The following AFF2 variants were observed in gnomAD, a reference collection of about 807,000 sequenced individuals.
AFF2 encodes the protein ALF transcription elongation factor 2.
Under a neutral mutation model 76.9 loss-of-function variants are expected in AFF2, and 14 were observed. The ratio of observed to expected loss-of-function variants is 0.18; its 90% confidence interval spans 0.12 to 0.28. The LOEUF (loss-of-function observed/expected upper bound fraction) is 0.28, where lower values mean the gene tolerates loss of function less well. Among genes scored for constraint, AFF2 ranks in the 10% least tolerant of loss-of-function variants. The pLI, the probability that AFF2 is intolerant of heterozygous loss-of-function variation, is 1.00. For synonymous variants in AFF2, 398 were observed against 366.7 expected (o/e 1.09, Z -0.98); for missense variants, 868 against 1,001.1 (o/e 0.87, Z 1.79).
At chrX:148,860,040 A>T (rs782481258) in intron 7 of AFF2, among the ~76,000 whole-genome samples, 30 of 111,781 alleles carry the variant, frequency 2.7e-4, no homozygotes, top group African/African-American at 9.1e-4. Flanking sequence ...GTATTTTTTT[A>T]AAAAATTTGA....
intron 1 of AFF2, among the ~76,000 whole-genome samples, chrX:148,573,863 C>T (rs1469146747): frequency 3.6e-5 from 4 of 111,037 alleles, no homozygotes; most frequent in Admixed American, 9.6e-5. Flanking sequence ...TTAGTATTAG[C>T]GGTCATGTTC....
chrX:148,999,665 T>C lies in AFF2; in HGVS notation c.*8333T>C, dbSNP rs2072653459. 8.9e-6 allele frequency: 1 copy of C among 111,785 alleles called. No homozygotes were observed. The highest frequency in any genetic ancestry group is 9.4e-5 in the Admixed American group (1 of 10,621). The allele number at this position is 111,785 out of a possible 1,213,427, so 9.2% of individuals were successfully genotyped here. On this transcript the variant is annotated 3_prime_UTR_variant, in exon 21 of 21. Transcript: ENST00000370460. ...AACATGTCTAGCTTGCTGTCCTTCA[T>C]GGGATTTTAGCTTTCCCTTCTTGAA...
At chrX:148,585,756 G>T (rs1472468365) in intron 1 of AFF2, among the ~76,000 whole-genome samples, 1 of 108,172 alleles carries the variant, frequency 9.2e-6, no homozygotes, top group African/African-American at 3.4e-5. Context: ...CAGGAGAATG[G>T]TGTGAACCCG....
At chrX:148,958,793 A>T (rs1047646972) in intron 12 of AFF2, among the ~76,000 whole-genome samples, 46 of 111,420 alleles carry the variant, frequency 4.1e-4, no homozygotes, top group Admixed American at 1.2e-3. Context: ...AAGCATCAAG[A>T]GAACCCCTAT....
At chrX:148,942,055 A>G (rs1337706171) in intron 9 of AFF2, among the ~76,000 whole-genome samples, 1 of 110,552 alleles carries the variant, frequency 9.0e-6, no homozygotes, top group Non-Finnish European at 1.9e-5. Context: ...GGTGCAGGTT[A>G]GCACAACGAA....
chrX:148,593,254 A>G lies in AFF2; in HGVS notation c.48-58745A>G, dbSNP rs782311277. On this transcript the variant is annotated intron_variant, in intron 1 of 20. Transcript: ENST00000370460. ...TTATATTTGCTTAACACTTTTTATA[A>G]TTAGTGTATCATGGTTGCGTTTCTA... Among the ~76,000 whole-genome samples the G allele has an allele frequency of 1.6e-3, 175 of 112,450 alleles. 1 individual carries two copies. The highest frequency in any genetic ancestry group is 4.9e-3 in the African/African-American group (151 of 30,933).
At chrX:148,523,015 C>T (rs2052618332) in intron 1 of AFF2, among the ~76,000 whole-genome samples, 1 of 112,055 alleles carries the variant, frequency 8.9e-6, no homozygotes, top group South Asian at 3.7e-4. Flanking sequence ...GTCCTTGAAA[C>T]AGGAATTCGA....
intron 1 of AFF2, among the ~76,000 whole-genome samples, chrX:148,563,913 A>G (rs782500251): frequency 3.1e-4 from 35 of 111,514 alleles, no homozygotes; most frequent in Non-Finnish European, 5.7e-4. Context: ...GTGTTTTATA[A>G]ATGCTTGTTG....
At chrX:148,636,967 A>G (rs111939730) in intron 1 of AFF2, among the ~76,000 whole-genome samples, 1,574 of 112,020 alleles carry the variant, frequency 0.014, 30 homozygotes, top group African/African-American at 0.049. Flanking sequence ...TAATCCCGGA[A>G]TAGTGCTTAG....
intron 1 of AFF2, among the ~76,000 whole-genome samples, chrX:148,645,378 T>G (rs2054134820): frequency 8.9e-6 from 1 of 112,388 alleles, no homozygotes; most frequent in African/African-American, 3.2e-5. Context: ...AACTGAGGCT[T>G]TAAATGTAAA....
chrX:148,555,137 G>A (rs991611366), intron 1 of AFF2, among the ~76,000 whole-genome samples: 1 of 111,862 alleles, frequency 8.9e-6, no homozygotes, highest in Non-Finnish European at 1.9e-5. Flanking sequence ...TGATCATCTG[G>A]CTCCCAAGGT....
chrX:148,539,510 A>T (rs2052828385), intron 1 of AFF2, among the ~76,000 whole-genome samples: 1 of 111,089 alleles, frequency 9.0e-6, no homozygotes, highest in Non-Finnish European at 1.9e-5. Flanking sequence ...GTAGCTATTT[A>T]TTATTTTTAT....
chrX:148,816,880 T>G (rs2070270223), intron 4 of AFF2, among the ~76,000 whole-genome samples: 1 of 102,126 alleles, frequency 9.8e-6, no homozygotes, highest in Non-Finnish European at 2.0e-5. Flanking sequence ...CTGGAAGAAC[T>G]CTTGACATGA....
intron 7 of AFF2, among the ~76,000 whole-genome samples, chrX:148,858,757 A>G (rs1172442698): frequency 3.6e-5 from 4 of 110,742 alleles, no homozygotes; most frequent in African/African-American, 1.3e-4. Context: ...AATAACACCG[A>G]AGTACATAAA....
intron 5 of AFF2, among the ~76,000 whole-genome samples, chrX:148,842,342 T>A (rs782496460): frequency 6.2e-5 from 7 of 112,862 alleles, no homozygotes; most frequent in African/African-American, 2.2e-4. Flanking sequence ...GACTTTCAAA[T>A]CAAATTTAAA....
chrX:148,553,321 C>T (rs940395630), intron 1 of AFF2, among the ~76,000 whole-genome samples: 17 of 111,639 alleles, frequency 1.5e-4, no homozygotes, highest in African/African-American at 5.5e-4. Context: ...TAAAAAGATA[C>T]AGGTGAGATT....
At chrX:148,536,810 C>A (rs1257298380) in intron 1 of AFF2, among the ~76,000 whole-genome samples, 3 of 111,468 alleles carry the variant, frequency 2.7e-5, no homozygotes, top group East Asian at 5.6e-4. Context: ...CCTAGACACC[C>A]ATTGTGATAT....
chrX:148,559,413 A>G (rs1437739748), intron 1 of AFF2, among the ~76,000 whole-genome samples: 17 of 110,746 alleles, frequency 1.5e-4, no homozygotes, highest in African/African-American at 4.9e-4. Context: ...TCCTAATGCT[A>G]TCCCTTCTCT....
chrX:148,593,008 C>G (rs1384050933), intron 1 of AFF2, among the ~76,000 whole-genome samples: 1 of 111,772 alleles, frequency 8.9e-6, no homozygotes, highest in Non-Finnish European at 1.9e-5. Context: ...TAGTTCAGAA[C>G]CTCAGGTTGT....
Sources: gnomAD v4.1 joint callset for allele counts (sites outside exome capture counted in the v4.1 genomes callset) on GRCh38, gnomAD v4.1.1 for gene constraint, MANE v1.5 for transcripts, NCBI Gene and HGNC (gene_info 2026-07-23, HGNC 2026-07-21) for gene names.